The following ACVR1C variants were observed in gnomAD, a reference collection of about 807,000 sequenced individuals.
ACVR1C encodes the protein activin A receptor type 1C.
ACVR1C carries 23 observed loss-of-function variants against 57.9 expected under a neutral mutation model. That is an observed-to-expected ratio of 0.40 (90% CI 0.29 to 0.56). ACVR1C has a LOEUF of 0.56. ACVR1C is among the 20% of genes least tolerant of loss of function. The pLI is 0.50. For synonymous variants in ACVR1C, 214 were observed against 215.3 expected (o/e 0.99, Z 0.05); for missense variants, 480 against 607.9 (o/e 0.79, Z 2.21).
intron 2 of ACVR1C, among the ~76,000 whole-genome samples, chr2:157,585,492 G>A (rs116753138): frequency 0.013 from 1,951 of 152,188 alleles, 25 homozygotes; most frequent in South Asian, 0.021. Context: ...CATTAGGTAC[G>A]CTTGATTTGC....
intron 3 of ACVR1C, among the ~76,000 whole-genome samples, chr2:157,554,271 G>GAAA (rs1448628905): frequency 0.014 from 1,686 of 119,988 alleles, 24 homozygotes; most frequent in East Asian, 0.026. Context: ...AAGAAAGAAA[G>GAAA]GAAGGAAGGA....
At chr2:157,536,976 G>A (rs2105201595) in intron 8 of ACVR1C, among the ~76,000 whole-genome samples, 1 of 152,264 alleles carries the variant, frequency 6.6e-6, no homozygotes, top group Admixed American at 6.5e-5. Flanking sequence ...GCAAAATGCT[G>A]TATCATCACC....
intron 1 of ACVR1C, among the ~76,000 whole-genome samples, chr2:157,613,017 T>C (rs2105150667): frequency 6.6e-6 from 1 of 152,330 alleles, no homozygotes; most frequent in Middle Eastern, 3.4e-3. Context: ...TCATTGTCCA[T>C]GTTAGTCTAA....
intron 2 of ACVR1C, among the ~76,000 whole-genome samples, chr2:157,566,842 C>T (rs1444170793): frequency 6.6e-6 from 1 of 152,168 alleles, no homozygotes; most frequent in Non-Finnish European, 1.5e-5. Flanking sequence ...GGAAGGGAAG[C>T]TCGAACTGGG....
At chr2:157,607,524 G>C (rs536828814) in intron 1 of ACVR1C, among the ~76,000 whole-genome samples, 1 of 151,786 alleles carries the variant, frequency 6.6e-6, no homozygotes, top group African/African-American at 2.4e-5. Context: ...TATTTTGATA[G>C]AAATTGCATT....
intron 1 of ACVR1C, among the ~76,000 whole-genome samples, chr2:157,606,066 T>A (rs1035430071): frequency 6.6e-6 from 1 of 151,744 alleles, no homozygotes; most frequent in African/African-American, 2.4e-5. Context: ...TGTCTTTCTG[T>A]ACTTGGCTTA....
intron 2 of ACVR1C, among the ~76,000 whole-genome samples, chr2:157,573,756 C>G (rs1020583196): frequency 6.6e-6 from 1 of 152,120 alleles, no homozygotes; most frequent in Non-Finnish European, 1.5e-5. Flanking sequence ...GAGCATGACT[C>G]TGCTATCACC....
At chr2:157,604,976 C>A (rs1486769321) in intron 1 of ACVR1C, among the ~76,000 whole-genome samples, 1 of 151,710 alleles carries the variant, frequency 6.6e-6, no homozygotes, top group Non-Finnish European at 1.5e-5. Flanking sequence ...GTTGCCTAAC[C>A]TAAGATCAAA....
chr2:157,621,714 C>T (rs1413332742), intron 1 of ACVR1C, among the ~76,000 whole-genome samples: 1 of 152,136 alleles, frequency 6.6e-6, no homozygotes, highest in Non-Finnish European at 1.5e-5. Context: ...GGAACTCCTG[C>T]CAGTTTCCAT....
At chr2:157,565,183 G>A (rs537147475) in intron 2 of ACVR1C, among the ~76,000 whole-genome samples, 2 of 152,084 alleles carry the variant, frequency 1.3e-5, no homozygotes, top group Admixed American at 1.3e-4. Context: ...AGATTATCAC[G>A]AGATATTCCA....
Position 157,556,076 on chromosome 2 carries a change from G to A in ACVR1C, c.544+17C>T. The A allele has an allele frequency of 6.3e-7, 1 of 1,594,890 alleles. No individual in the cohort carries two copies. The highest frequency in any genetic ancestry group is 8.5e-7 in the Non-Finnish European group (1 of 1,172,166). ...AAGTGTTTTCTTATTTTAAAAAAAT[G>A]GACAATGGTAACATACCAGAGCCAG... On this transcript the variant is annotated intron_variant, in intron 3 of 8. Coordinates refer to ENST00000243349, the MANE Select transcript of ACVR1C (RefSeq NM_145259.3).
At chr2:157,556,360 C>T (rs750218739) in intron 2 of ACVR1C, 28 bp from the exon 3 acceptor site, 4 of 1,601,946 alleles carry the variant, frequency 2.5e-6, no homozygotes, top group Non-Finnish European at 3.4e-6. Flanking sequence ...AAGAACATGA[C>T]CATAAATCAA....
At chr2:157,561,310 A>G (rs1023574087) in intron 2 of ACVR1C, among the ~76,000 whole-genome samples, 4 of 152,258 alleles carry the variant, frequency 2.6e-5, no homozygotes, top group African/African-American at 9.6e-5. Context: ...CGCATAAAAA[A>G]GAAAGCATTT....
intron 1 of ACVR1C, among the ~76,000 whole-genome samples, chr2:157,597,954 G>T (rs571309109): frequency 1.3e-5 from 2 of 152,250 alleles, no homozygotes; most frequent in South Asian, 4.1e-4. Context: ...TATTGCCAGT[G>T]AAGTCTTTCT....
chr2:157,563,497 C>T (rs928670262), intron 2 of ACVR1C, among the ~76,000 whole-genome samples: 2 of 152,214 alleles, frequency 1.3e-5, no homozygotes, highest in Non-Finnish European at 2.9e-5. Flanking sequence ...ACATTTCATG[C>T]TCATGGATAG....
chr2:157,587,504 T>G (rs1688955243), intron 1 of ACVR1C, 87 bp from the exon 2 acceptor site: 1 of 1,038,650 alleles, frequency 9.6e-7, no homozygotes, highest in Non-Finnish European at 1.4e-6. Flanking sequence ...AATTCAATCT[T>G]AATGAAAATG....
Position 157,527,636 on chromosome 2 carries a change from T to C in ACVR1C, c.*6282A>G, listed in dbSNP as rs1687258786. 1.3e-5 allele frequency: 2 copies of C among 152,082 alleles called. No homozygotes were observed. The highest frequency in any genetic ancestry group is 2.9e-5 in the Non-Finnish European group (2 of 68,016). The allele number at this position is 152,082 out of a possible 1,614,324, so 9.4% of individuals were successfully genotyped here. A position where few individuals can be genotyped will look rare whatever the true frequency, so the allele number is the denominator to read the frequency against. On this transcript the variant is annotated 3_prime_UTR_variant, in exon 9 of 9. Coordinates refer to ENST00000243349, the MANE Select transcript of ACVR1C (RefSeq NM_145259.3). ...CTTCTCCAGTCTAGAATCAGAAGAG[T>C]ACATGAGCTTGACACTAGTCATTGC...
At chr2:157,576,064 T>C (rs1427656562) in intron 2 of ACVR1C, among the ~76,000 whole-genome samples, 4 of 152,104 alleles carry the variant, frequency 2.6e-5, no homozygotes, top group Admixed American at 6.6e-5. Context: ...AGGTAGAAGA[T>C]AACAAATAAT....
intron 1 of ACVR1C, among the ~76,000 whole-genome samples, chr2:157,601,782 A>G (rs2105140551): frequency 6.6e-6 from 1 of 152,320 alleles, no homozygotes; most frequent in African/African-American, 2.4e-5. Flanking sequence ...AGAGGTTACC[A>G]CACCTCTCTA....
Sources: gnomAD v4.1 joint callset for allele counts (sites outside exome capture counted in the v4.1 genomes callset) on GRCh38, gnomAD v4.1.1 for gene constraint, MANE v1.5 for transcripts, NCBI Gene and HGNC (gene_info 2026-07-23, HGNC 2026-07-21) for gene names.